The following LRRC4C variants were observed in gnomAD, a reference collection of about 807,000 sequenced individuals.
LRRC4C encodes leucine rich repeat containing 4C, also known as leucine-rich repeat-containing protein 4C.
In LRRC4C, 5 loss-of-function variants were observed where a neutral mutation model predicts 33.6. The observed-to-expected ratio is 0.15, with a 90% CI of 0.08 to 0.31. LRRC4C has a LOEUF of 0.31. LRRC4C is among the 10% of genes least tolerant of loss of function. The pLI, the probability that LRRC4C is intolerant of heterozygous loss-of-function variation, is 1.00. For missense variants in LRRC4C, 560 were observed against 796.7 expected (o/e 0.70, Z 3.58); for synonymous variants, 329 against 302.0 (o/e 1.09, Z -0.93).
intron 2 of LRRC4C, among the ~76,000 whole-genome samples, chr11:40,782,057 C>A (rs1453230642): frequency 3.3e-5 from 5 of 152,144 alleles, no homozygotes; most frequent in Non-Finnish European, 7.4e-5. Context: ...AAGCCAAAAG[C>A]CTGCATGCCT....
rs114936739 is a variant in LRRC4C at position 41,014,268 on chromosome 11, C to T, written c.-495-80545G>A. Among the ~76,000 whole-genome samples the T allele has an allele frequency of 4.8e-3, 735 of 152,162 alleles. 6 individuals carry two copies. The highest frequency in any genetic ancestry group is 0.017 in the African/African-American group (704 of 41,512). Reference sequence around the variant, plus strand: ...CAATGTGTGAATTTCGGTGGGTACACATATGAATACTGGGATTATATAAGG... The same window carrying T: ...CAATGTGTGAATTTCGGTGGGTACATATATGAATACTGGGATTATATAAGG... On this transcript the variant is annotated intron_variant, in intron 1 of 6. Transcript: ENST00000528697.
chr11:41,069,324 G>T (rs1938507014), intron 1 of LRRC4C, among the ~76,000 whole-genome samples: 1 of 152,112 alleles, frequency 6.6e-6, no homozygotes, highest in Non-Finnish European at 1.5e-5. Flanking sequence ...TGTGGAATGG[G>T]CAAAAGCTGG....
chr11:40,117,022 T>C (rs1272855933), intron 6 of LRRC4C, among the ~76,000 whole-genome samples: 1 of 152,204 alleles, frequency 6.6e-6, no homozygotes, highest in Non-Finnish European at 1.5e-5. Flanking sequence ...ACAACACTTC[T>C]CTGAAGTAGG....
At chr11:40,909,564 C>CA (rs565022111) in intron 2 of LRRC4C, among the ~76,000 whole-genome samples, 8 of 151,796 alleles carry the variant, frequency 5.3e-5, no homozygotes, top group Admixed American at 5.2e-4. Flanking sequence ...CAGAGAACAA[C>CA]TTTTTTTTCC....
intron 2 of LRRC4C, among the ~76,000 whole-genome samples, chr11:40,784,169 C>G (rs1037450289): frequency 3.3e-5 from 5 of 152,032 alleles, no homozygotes; most frequent in African/African-American, 9.7e-5. Flanking sequence ...TTCACTCCTT[C>G]AAAATGTTTA....
intron 2 of LRRC4C, among the ~76,000 whole-genome samples, chr11:40,733,283 G>A (rs1234267602): frequency 1.3e-5 from 2 of 151,780 alleles, no homozygotes; most frequent in East Asian, 1.9e-4. Flanking sequence ...CACCATGTTA[G>A]CCAGGATGGT....
intron 4 of LRRC4C, among the ~76,000 whole-genome samples, chr11:40,249,124 G>A (rs1000046283): frequency 2.7e-4 from 41 of 152,140 alleles, no homozygotes; most frequent in African/African-American, 9.4e-4. Flanking sequence ...GATAACTTGA[G>A]GTCAGGAGTT....
At chr11:41,312,957 C>A (rs1280016256) in intron 1 of LRRC4C, among the ~76,000 whole-genome samples, 1 of 152,208 alleles carries the variant, frequency 6.6e-6, no homozygotes, top group African/African-American at 2.4e-5. Context: ...TATGTCAAGA[C>A]TGGGGCCATT....
At chr11:41,127,999 C>T (rs1942830532) in intron 1 of LRRC4C, among the ~76,000 whole-genome samples, 1 of 152,066 alleles carries the variant, frequency 6.6e-6, no homozygotes, top group South Asian at 2.1e-4. Flanking sequence ...GAATCTCTTA[C>T]CCTTCCTCTT....
chr11:40,808,675 T>A (rs1049187016), intron 2 of LRRC4C, among the ~76,000 whole-genome samples: 1 of 152,174 alleles, frequency 6.6e-6, no homozygotes, highest in Non-Finnish European at 1.5e-5. Context: ...GGAGACCCAG[T>A]ACCGCCGGTC....
chr11:40,594,132 T>C (rs1190470729), intron 3 of LRRC4C, among the ~76,000 whole-genome samples: 1 of 152,194 alleles, frequency 6.6e-6, no homozygotes, highest in Non-Finnish European at 1.5e-5. Flanking sequence ...TAGTCCCTGA[T>C]AGTCCCTTCA....
chr11:40,701,771 A>G (rs957161709), intron 2 of LRRC4C, among the ~76,000 whole-genome samples: 7 of 151,796 alleles, frequency 4.6e-5, no homozygotes, highest in African/African-American at 1.7e-4. Flanking sequence ...CCTGCATAAT[A>G]GAGTCACCCT....
intron 1 of LRRC4C, among the ~76,000 whole-genome samples, chr11:41,248,139 A>G (rs1374471479): frequency 1.3e-5 from 2 of 152,170 alleles, no homozygotes; most frequent in African/African-American, 2.4e-5. Context: ...TTAACAAATT[A>G]TCTCTTTTTT....
chr11:40,767,924 G>C (rs558370555), intron 2 of LRRC4C, among the ~76,000 whole-genome samples: 7 of 150,852 alleles, frequency 4.6e-5, no homozygotes, highest in African/African-American at 1.7e-4. Flanking sequence ...AAAAATACAG[G>C]AGCAAACCAA....
chr11:41,440,109 G>GT (rs796449006), intron 1 of LRRC4C, among the ~76,000 whole-genome samples: 19 of 151,592 alleles, frequency 1.3e-4, no homozygotes, highest in African/African-American at 2.2e-4. Context: ...TTTGTTTTCA[G>GT]TTTTTTTTAG....
At chr11:41,133,166 T>C (rs1216746952) in intron 1 of LRRC4C, among the ~76,000 whole-genome samples, 1 of 152,146 alleles carries the variant, frequency 6.6e-6, no homozygotes, top group Non-Finnish European at 1.5e-5. Context: ...ATCTCTTAGA[T>C]GTGACCTGGG....
chr11:41,191,309 CTACTT>C (rs1945934802), intron 1 of LRRC4C, among the ~76,000 whole-genome samples: 1 of 152,172 alleles, frequency 6.6e-6, no homozygotes, highest in South Asian at 2.1e-4. Context: ...TGTGGACTCT[CTACTT>C]TATTTATGCC....
intron 4 of LRRC4C, among the ~76,000 whole-genome samples, chr11:40,244,007 ATATC>A (rs1590804219): frequency 1.3e-5 from 2 of 152,050 alleles, no homozygotes; most frequent in East Asian, 3.9e-4. Context: ...GCCAAAACTT[ATATC>A]TATTAACCAA....
At chr11:40,871,236 C>T (rs1954625784) in intron 2 of LRRC4C, among the ~76,000 whole-genome samples, 1 of 152,030 alleles carries the variant, frequency 6.6e-6, no homozygotes, top group Admixed American at 6.6e-5. Context: ...GTGATCTCGC[C>T]CTGCCTCCAT....
Sources: gnomAD v4.1 joint callset for allele counts (sites outside exome capture counted in the v4.1 genomes callset) on GRCh38, gnomAD v4.1.1 for gene constraint, MANE v1.5 for transcripts, NCBI Gene and HGNC (gene_info 2026-07-23, HGNC 2026-07-21) for gene names.